The following BOLA3 variants were observed in gnomAD, a reference collection of about 807,000 sequenced individuals.
BOLA3 encodes the protein bolA-like protein 3.
A neutral mutation model predicts 14.5 loss-of-function variants in BOLA3; 8 were observed. That is an observed-to-expected ratio of 0.55 (90% CI 0.32 to 0.99). BOLA3 has a LOEUF of 0.99. Ranked by LOEUF, BOLA3 falls within the 50% of genes least tolerant of loss-of-function variation. The probability of loss-of-function intolerance (pLI) is 0.04; values close to 1 mark genes in which losing one functional copy is unlikely to be tolerated. For synonymous variants in BOLA3, 42 were observed against 45.7 expected (o/e 0.92, Z 0.33); for missense variants, 115 against 138.2 (o/e 0.83, Z 0.84).
chr2:74,137,423 T>C (rs1692355601), intron 3 of BOLA3, among the ~76,000 whole-genome samples: 1 of 152,226 alleles, frequency 6.6e-6, no homozygotes, highest in Admixed American at 6.5e-5. Context: ...AATCTAGATA[T>C]GCCAGAAACC....
chr2:74,135,948 CT>C lies in BOLA3; in HGVS notation c.259-291del, dbSNP rs55654893. On this transcript the variant is annotated intron_variant, in intron 3 of 3. Coordinates refer to ENST00000327428, the MANE Select transcript of BOLA3 (RefSeq NM_212552.3). ...GAACTGTTGTTAGTTTCTTGTGTAT[CT>C]TTTTTTTTTTTTTTTTTTAAGTCAT... is the stretch of plus-strand genomic sequence containing the variant. 0.34 allele frequency among the ~76,000 whole-genome samples: 46,395 copies of C among 134,530 alleles called. 8,212 individuals are homozygous for C. The highest frequency in any genetic ancestry group is 0.64 in the East Asian group (2,956 of 4,634). 88.3% of individuals were successfully genotyped at this position (134,530 alleles called of 152,430 possible).
intron 2 of BOLA3, among the ~76,000 whole-genome samples, chr2:74,143,980 G>A (rs913491452): frequency 1.4e-5 from 2 of 145,604 alleles, no homozygotes; most frequent in African/African-American, 5.1e-5. Context: ...TTACAGACAT[G>A]AGCCACCGCG....
intron 3 of BOLA3, among the ~76,000 whole-genome samples, chr2:74,136,448 T>C (rs891995775): frequency 6.6e-6 from 1 of 152,236 alleles, no homozygotes; most frequent in Non-Finnish European, 1.5e-5. Flanking sequence ...TAAAACATTT[T>C]GAGATTTTTT....
At chr2:74,142,634 C>T (rs1692458372) in intron 2 of BOLA3, among the ~76,000 whole-genome samples, 1 of 152,168 alleles carries the variant, frequency 6.6e-6, no homozygotes. Flanking sequence ...AGGCACAAAG[C>T]ATGGACAACC....
chr2:74,140,497 C>T (rs1558821334), intron 3 of BOLA3, among the ~76,000 whole-genome samples: 1 of 152,192 alleles, frequency 6.6e-6, no homozygotes. Context: ...GTGGGGGACA[C>T]AGCCCCGTCC....
chr2:74,144,005 AT>A (rs3045553), intron 2 of BOLA3, among the ~76,000 whole-genome samples: 42,118 of 115,428 alleles, frequency 0.36, 6,873 homozygotes, highest in Middle Eastern at 0.53. Flanking sequence ...GCCCCAGCAG[AT>A]TTTTTTTTTT....
chr2:74,145,360 TG>T, intron 1 of BOLA3, 57 bp from the exon 2 acceptor site: 1 of 1,072,600 alleles, frequency 9.3e-7, no homozygotes. Flanking sequence ...GCCCCTGAGC[TG>T]GGCCACTGTG....
At chr2:74,142,626 G>A (rs1030485652) in intron 2 of BOLA3, among the ~76,000 whole-genome samples, 1 of 152,160 alleles carries the variant, frequency 6.6e-6, no homozygotes, top group African/African-American at 2.4e-5. Context: ...GAAAGATAAG[G>A]CACAAAGCAT....
intron 3 of BOLA3, among the ~76,000 whole-genome samples, chr2:74,135,940 T>C (rs1352245771): frequency 1.4e-5 from 2 of 146,542 alleles, no homozygotes. Context: ...TGTTAGTTTC[T>C]TGTGTATCTT....
At chr2:74,145,331 G>C (rs199815807) in intron 1 of BOLA3, 28 bp from the exon 2 acceptor site, 1 of 1,339,578 alleles carries the variant, frequency 7.5e-7, no homozygotes, top group East Asian at 2.3e-5. Context: ...GGAAGGTCAG[G>C]GCAGAGGAAG....
At chr2:74,136,418 T>C (rs35279913) in intron 3 of BOLA3, among the ~76,000 whole-genome samples, 69,473 of 152,162 alleles carry the variant, frequency 0.46, 17,012 homozygotes, top group Middle Eastern at 0.55. Flanking sequence ...TGTGGCCTAA[T>C]ATAAATTCGT....
chr2:74,140,672 AC>A (rs1292223952), intron 3 of BOLA3, among the ~76,000 whole-genome samples: 3 of 152,200 alleles, frequency 2.0e-5, no homozygotes, highest in African/African-American at 7.2e-5. Flanking sequence ...GCCCTTCCCC[AC>A]CCCAGACTGG....
At chr2:74,143,182 G>T (rs1347138355) in intron 2 of BOLA3, among the ~76,000 whole-genome samples, 1 of 151,570 alleles carries the variant, frequency 6.6e-6, no homozygotes, top group Non-Finnish European at 1.5e-5. Context: ...TTGAGATGGA[G>T]TCTCGCTCTG....
At chr2:74,145,350 G>T in intron 1 of BOLA3, 47 bp from the exon 2 acceptor site, 1 of 1,185,226 alleles carries the variant, frequency 8.4e-7, no homozygotes, top group Non-Finnish European at 1.3e-6. Context: ...AGATGCTGTT[G>T]CCCCTGAGCT....
chr2:74,137,811 A>G (rs1255566747), intron 3 of BOLA3, among the ~76,000 whole-genome samples: 1 of 152,184 alleles, frequency 6.6e-6, no homozygotes, highest in Non-Finnish European at 1.5e-5. Flanking sequence ...CAGGGCCCTC[A>G]ACTCTGCGGA....
At chr2:74,147,394 G>C (rs1056581931) in intron 1 of BOLA3, 17 of 251,668 alleles carry the variant, frequency 6.8e-5, no homozygotes, top group Non-Finnish European at 1.1e-4. Context: ...GGTAGTGTGG[G>C]ATTTGGAGGA....
Position 74,142,349 on chromosome 2 carries a change from C to A in BOLA3, c.181G>T (p.Ala61Ser). 1.2e-6 allele frequency: 2 copies of A among 1,612,128 alleles called. No individual in the cohort carries two copies. The highest frequency in any genetic ancestry group is 2.2e-5 in the South Asian group (2 of 91,060). Residue 61 changes from alanine to serine, a missense_variant, in exon 3 of 4, where the codon GCG becomes TCG. Physicochemically the swap from Ala to Ser is moderately conservative, Grantham distance 99. Transcript: ENST00000327428. ...KVTDISGGCG[A>S]MYEIKIESEE... ...GATTCAATTTTAATTTCATACATCG[C>A]CCCACAACCTCCTAAAATAAACATG... is the stretch of plus-strand genomic sequence containing the variant.
intron 2 of BOLA3, among the ~76,000 whole-genome samples, chr2:74,143,324 T>A (rs201711856): frequency 0.41 from 54,776 of 133,504 alleles, 10,447 homozygotes; most frequent in Middle Eastern, 0.47. Flanking sequence ...CCCAGCTAAT[T>A]TTTTTTTTGT....
intron 2 of BOLA3, 60 bp from the exon 3 acceptor site, chr2:74,142,420 T>C: frequency 7.7e-7 from 1 of 1,296,570 alleles, no homozygotes; most frequent in South Asian, 1.2e-5. Context: ...CATGGTCCCA[T>C]ATATCCTTGA....
Sources: allele counts gnomAD v4.1 joint callset (sites outside exome capture counted in the v4.1 genomes callset), GRCh38; gene constraint gnomAD v4.1.1; transcripts MANE v1.5; gene names NCBI Gene and HGNC (gene_info 2026-07-23, HGNC 2026-07-21).